The following MYO5C variants were observed in gnomAD, a reference collection of about 807,000 sequenced individuals.
MYO5C encodes the protein myosin VC.
A neutral mutation model predicts 235.7 loss-of-function variants in MYO5C; 194 were observed. That is an observed-to-expected ratio of 0.82 (90% CI 0.73 to 0.93). The LOEUF is 0.93. Among genes scored for constraint, MYO5C ranks in the 40% least tolerant of loss-of-function variants. The pLI is 0.00. For synonymous variants in MYO5C, 707 were observed against 754.8 expected, an observed-to-expected ratio of 0.94 and a Z score of 1.04; for missense variants, 2,038 against 2,127.2, an observed-to-expected ratio of 0.96 and a Z score of 0.82.
intron 21 of MYO5C, 71 bp from the exon 22 acceptor site, chr15:52,237,717 G>T: frequency 6.8e-7 from 1 of 1,469,020 alleles, no homozygotes; most frequent in African/African-American, 1.4e-5. Context: ...AATTCTCATA[G>T]CCTTTGACAC....
intron 35 of MYO5C, among the ~76,000 whole-genome samples, chr15:52,211,099 A>G (rs1364142997): frequency 2.0e-5 from 3 of 152,210 alleles, no homozygotes; most frequent in African/African-American, 4.8e-5. Context: ...AATGGCCAAC[A>G]GCAAGTTGGA....
intron 1 of MYO5C, among the ~76,000 whole-genome samples, chr15:52,291,659 A>G (rs753334681): frequency 6.6e-6 from 1 of 150,516 alleles, no homozygotes; most frequent in Non-Finnish European, 1.5e-5. Flanking sequence ...CTCTGCAGCT[A>G]CTAGAAAGAA....
intron 16 of MYO5C, 51 bp downstream of exon 16, chr15:52,246,866 G>A (rs1566977976): frequency 1.4e-6 from 2 of 1,470,780 alleles, no homozygotes; most frequent in Non-Finnish European, 1.9e-6. Context: ...CAACTTTATG[G>A]CAGAAACTGC....
chr15:52,224,248 A>G (rs914078763), intron 28 of MYO5C, among the ~76,000 whole-genome samples: 1 of 152,200 alleles, frequency 6.6e-6, no homozygotes, highest in Non-Finnish European at 1.5e-5. Flanking sequence ...TTGCCACTGC[A>G]CTCCAGCCTG....
At chr15:52,239,139 C>T (rs1394631902) in intron 21 of MYO5C, among the ~76,000 whole-genome samples, 8 of 151,714 alleles carry the variant, frequency 5.3e-5, no homozygotes, top group South Asian at 4.2e-4. Context: ...TTAGTAGAGA[C>T]GGGATTTCGC....
chr15:52,217,840 G>C (rs1027090493), intron 32 of MYO5C, among the ~76,000 whole-genome samples: 1 of 152,236 alleles, frequency 6.6e-6, no homozygotes. Context: ...GCCCTCCTGC[G>C]TTACCCTCTT....
chr15:52,205,861 G>T lies in MYO5C; in HGVS notation c.4492C>A (p.His1498Asn). 1 of 1,589,020 alleles carries T rather than the reference G, an allele frequency of 6.3e-7. No individual in the cohort carries two copies. The highest frequency in any genetic ancestry group is 8.6e-7 in the Non-Finnish European group (1 of 1,164,100). Reference sequence around the variant, plus strand: ...TTTTCCATTATGATAATAAATTGATGATATATTCGTATAGCCACATCACTG... The same window carrying T: ...TTTTCCATTATGATAATAAATTGATTATATATTCGTATAGCCACATCACTG... ...ILSDVAIRIY[H>N]QFIIIMEKNI... The change falls in exon 37 of 41, where the codon CAT (histidine) becomes AAT (asparagine). Residue 1498 changes from histidine to asparagine, a missense_variant. Transcript: ENST00000261839.
intron 10 of MYO5C, among the ~76,000 whole-genome samples, chr15:52,258,777 G>A (rs546356846): frequency 3.3e-5 from 5 of 152,262 alleles, no homozygotes; most frequent in African/African-American, 1.2e-4. Flanking sequence ...TTTTTGAGAG[G>A]AATCTTAAAA....
chr15:52,259,671 T>C (rs1680639695), intron 10 of MYO5C, among the ~76,000 whole-genome samples: 1 of 152,264 alleles, frequency 6.6e-6, no homozygotes, highest in Admixed American at 6.5e-5. Context: ...GCTATCCCAG[T>C]AATGTATTAA....
intron 12 of MYO5C, 60 bp from the exon 13 acceptor site, chr15:52,251,575 G>A (rs2036474461): frequency 7.1e-7 from 1 of 1,416,024 alleles, no homozygotes; most frequent in African/African-American, 1.4e-5. Flanking sequence ...TACAGGTGAG[G>A]AAAAGCACTA....
At position 52,193,036 on chromosome 15, in the gene MYO5C, C is replaced by G. The variant is rs974540958; in HGVS notation, c.*866G>C. The G allele has an allele frequency of 2.0e-5, 3 of 152,076 alleles. No homozygotes were observed. The highest frequency in any genetic ancestry group is 1.3e-4 in the Admixed American group (2 of 15,276). 9.4% of individuals were successfully genotyped at this position (152,076 alleles called of 1,614,324 possible). A position where few individuals can be genotyped will look rare whatever the true frequency, so the allele number is the denominator to read the frequency against. On this transcript the variant is annotated 3_prime_UTR_variant, in exon 41 of 41. Transcript: ENST00000261839. Reference sequence around the variant, plus strand: ...CACTCTTAAAAATTAAAAGGGTCAGCCGGGCGCGGTGGCACACGCCTGTAA... The same window carrying G: ...CACTCTTAAAAATTAAAAGGGTCAGGCGGGCGCGGTGGCACACGCCTGTAA...
chr15:52,268,536 GTAAGATT>G (rs1479114076), intron 8 of MYO5C, among the ~76,000 whole-genome samples: 1 of 151,722 alleles, frequency 6.6e-6, no homozygotes, highest in East Asian at 1.9e-4. Flanking sequence ...TGGCGACAGT[GTAAGATT>G]CTGTCTCAAA....
intron 1 of MYO5C, among the ~76,000 whole-genome samples, chr15:52,292,376 G>A (rs190229468): frequency 1.3e-5 from 2 of 152,306 alleles, no homozygotes; most frequent in Admixed American, 1.3e-4. Flanking sequence ...CCAAGGTGGT[G>A]GTAGTGAGAG....
At chr15:52,216,137 C>T (rs773208650) in intron 32 of MYO5C, among the ~76,000 whole-genome samples, 1 of 152,148 alleles carries the variant, frequency 6.6e-6, no homozygotes, top group Non-Finnish European at 1.5e-5. Flanking sequence ...ATTTATATTC[C>T]CAGCAACCAT....
intron 25 of MYO5C, among the ~76,000 whole-genome samples, chr15:52,227,465 G>A (rs927206730): frequency 2.6e-5 from 4 of 151,520 alleles, no homozygotes; most frequent in Non-Finnish European, 5.9e-5. Context: ...CCAAAGTGCT[G>A]GGATTACAGG....
rs2035059024 is a variant in MYO5C, at chr15:52,196,626, A to G, written c.4821-143T>C. On this transcript the variant is annotated intron_variant, in intron 38 of 40. Coordinates refer to ENST00000261839, the MANE Select transcript of MYO5C (RefSeq NM_018728.4). ...CTCATCTGCAAAATGAGGGAGTTGGACTGATGATCAGCTCTCCTAATCCAG... is the reference window on the plus strand; with the variant it reads ...CTCATCTGCAAAATGAGGGAGTTGGGCTGATGATCAGCTCTCCTAATCCAG... 1.4e-5 allele frequency: 10 copies of G among 717,092 alleles called. No individual in the cohort carries two copies. The South Asian group carries it at 1.7e-4, about 12-fold the overall frequency. 44.4% of individuals were successfully genotyped at this position (717,092 alleles called of 1,614,324 possible).
At chr15:52,208,515 C>T (rs1291950490) in intron 36 of MYO5C, 39 bp downstream of exon 36, 24 of 1,588,678 alleles carry the variant, frequency 1.5e-5, no homozygotes, top group Non-Finnish European at 1.9e-5. Context: ...TATAGACTGG[C>T]TGTCAGCACA....
intron 5 of MYO5C, among the ~76,000 whole-genome samples, chr15:52,273,541 G>C (rs1345738782): frequency 6.6e-6 from 1 of 152,112 alleles, no homozygotes; most frequent in African/African-American, 2.4e-5. Context: ...GGATTTTAAT[G>C]CCTACATAAT....
At position 52,208,657 on chromosome 15, in the gene MYO5C, G is replaced by C; in HGVS notation, c.4297-14C>G. On this transcript the variant is annotated splice_polypyrimidine_tract_variant and intron_variant, in intron 35 of 40. Coordinates refer to ENST00000261839, the MANE Select transcript of MYO5C (RefSeq NM_018728.4). ...TTCTAAATGTTCCTTAGGAAAATAA[G>C]AAAAGACAAAATTGGTCTTGATGAT... The C allele has an allele frequency of 6.2e-7, 1 of 1,611,360 alleles. No individual in the cohort carries two copies. Among genetic ancestry groups the C allele is most frequent in the Middle Eastern group, 1.7e-4 (1 of 6,046 alleles).
Sources: gnomAD v4.1 joint callset for allele counts (sites outside exome capture counted in the v4.1 genomes callset) on GRCh38, gnomAD v4.1.1 for gene constraint, MANE v1.5 for transcripts, NCBI Gene and HGNC (gene_info 2026-07-23, HGNC 2026-07-21) for gene names.